The following USP3 variants were observed in gnomAD, a reference collection of about 807,000 sequenced individuals.
The protein encoded by USP3 is ubiquitin specific peptidase 3.
USP3 carries 20 observed loss-of-function variants against 72.3 expected under a neutral mutation model. The ratio of observed to expected loss-of-function variants is 0.28; its 90% CI spans 0.19 to 0.40. The LOEUF (loss-of-function observed/expected upper bound fraction) is 0.40, where lower values mean the gene tolerates loss of function less well. Among genes scored for constraint, USP3 ranks in the 10% least tolerant of loss-of-function variants. USP3 has a pLI of 1.00. For missense variants in USP3, 479 were observed against 633.9 expected (o/e 0.76, Z 2.62); for synonymous variants, 222 against 225.3 (o/e 0.99, Z 0.13).
chr15:63,550,208 GAGGGTTTC>G (rs1418785413), intron 3 of USP3, among the ~76,000 whole-genome samples: 1 of 152,160 alleles, frequency 6.6e-6, no homozygotes, highest in Non-Finnish European at 1.5e-5. Context: ...TTAGAAGAGA[GAGGGTTTC>G]ACCATGTTGG....
chr15:63,564,356 G>C (rs1360012068), intron 8 of USP3, among the ~76,000 whole-genome samples: 2 of 152,146 alleles, frequency 1.3e-5, no homozygotes, highest in East Asian at 3.9e-4. Flanking sequence ...GTGGGGTAAT[G>C]ACCAAAATTA....
intron 8 of USP3, among the ~76,000 whole-genome samples, chr15:63,569,046 T>C (rs1302471191): frequency 6.6e-6 from 1 of 152,190 alleles, no homozygotes; most frequent in African/African-American, 2.4e-5. Flanking sequence ...AGCTATAAGG[T>C]GCTGGTTTTC....
intron 1 of USP3, among the ~76,000 whole-genome samples, chr15:63,519,518 G>A (rs1235476671): frequency 6.6e-6 from 1 of 152,130 alleles, no homozygotes; most frequent in Non-Finnish European, 1.5e-5. Flanking sequence ...CATATCAAGA[G>A]TTGGTCTGTC....
At chr15:63,532,101 T>C (rs1595719504) in intron 1 of USP3, among the ~76,000 whole-genome samples, 3 of 152,342 alleles carry the variant, frequency 2.0e-5, no homozygotes, top group Admixed American at 2.0e-4. Flanking sequence ...AAATCATTAA[T>C]GTCTTGATTA....
intron 1 of USP3, among the ~76,000 whole-genome samples, chr15:63,518,868 G>C (rs1028787631): frequency 1.3e-4 from 20 of 151,976 alleles, no homozygotes; most frequent in South Asian, 1.2e-3. Flanking sequence ...CAGGTTCACA[G>C]CATTCTCCTG....
At chr15:63,531,544 G>A (rs1225392847) in intron 1 of USP3, among the ~76,000 whole-genome samples, 2 of 152,152 alleles carry the variant, frequency 1.3e-5, no homozygotes, top group East Asian at 1.9e-4. Context: ...TACGCTGAAA[G>A]GGCTTACAGT....
intron 3 of USP3, among the ~76,000 whole-genome samples, chr15:63,547,806 GAGAGAGGCAT>G (rs1436412749): frequency 2.9e-4 from 24 of 82,146 alleles, no homozygotes; most frequent in East Asian, 1.0e-3. Context: ...GAGAGGCATA[GAGAGAGGCAT>G]AGAGAGAGAG....
intron 1 of USP3, chr15:63,530,638 G>C (rs568316060): frequency 4.7e-6 from 2 of 425,330 alleles, no homozygotes; most frequent in South Asian, 3.3e-5. Flanking sequence ...TTTACTAAGA[G>C]AAAAAAGCTT....
At chr15:63,559,444 C>T (rs141897802) in intron 6 of USP3, among the ~76,000 whole-genome samples, 4 of 152,290 alleles carry the variant, frequency 2.6e-5, no homozygotes, top group African/African-American at 9.6e-5. Flanking sequence ...ATTATAATTA[C>T]TACTGAATTC....
chr15:63,530,056 G>C (rs950464935), intron 1 of USP3, among the ~76,000 whole-genome samples: 2 of 152,146 alleles, frequency 1.3e-5, no homozygotes, highest in African/African-American at 4.8e-5. Flanking sequence ...AGGATCAATT[G>C]AGCCTGGGAG....
At chr15:63,548,297 CTATT>C (rs1016536606) in intron 3 of USP3, among the ~76,000 whole-genome samples, 9 of 151,470 alleles carry the variant, frequency 5.9e-5, no homozygotes, top group Admixed American at 2.0e-4. Context: ...TCATGCTTGG[CTATT>C]TATTTATTTA....
intron 1 of USP3, among the ~76,000 whole-genome samples, chr15:63,527,264 G>A (rs2065996284): frequency 6.6e-6 from 1 of 152,142 alleles, no homozygotes; most frequent in Non-Finnish European, 1.5e-5. Flanking sequence ...TTACACTAAG[G>A]AAATAGACCC....
chr15:63,522,211 C>T (rs2065929743), intron 1 of USP3, among the ~76,000 whole-genome samples: 1 of 152,198 alleles, frequency 6.6e-6, no homozygotes, highest in Admixed American at 6.5e-5. Context: ...TCTTTTGTTC[C>T]AGCTAGTGAA....
intron 7 of USP3, among the ~76,000 whole-genome samples, chr15:63,561,813 T>C (rs1036268999): frequency 1.3e-5 from 2 of 152,188 alleles, no homozygotes; most frequent in African/African-American, 4.8e-5. Flanking sequence ...ACCTATGTGA[T>C]TGTGAGGGTT....
intron 6 of USP3, among the ~76,000 whole-genome samples, chr15:63,558,876 A>AAAAT (rs1330421147): frequency 6.6e-6 from 1 of 152,114 alleles, no homozygotes; most frequent in Non-Finnish European, 1.5e-5. Flanking sequence ...CCCTGTCTCA[A>AAAAT]AAATAAATAA....
intron 3 of USP3, among the ~76,000 whole-genome samples, chr15:63,540,215 A>G (rs934282510): frequency 2.0e-5 from 3 of 152,110 alleles, no homozygotes; most frequent in Admixed American, 6.5e-5. Context: ...CCCCTTGCCA[A>G]TAGTCCCTGC....
At chr15:63,579,704 G>T (rs933092798) in intron 11 of USP3, among the ~76,000 whole-genome samples, 7 of 152,064 alleles carry the variant, frequency 4.6e-5, no homozygotes, top group African/African-American at 1.7e-4. Context: ...ATTGAGCAAT[G>T]GTAAAAGACC....
rs987300671 is a variant in USP3, at chr15:63,542,187, A to G, written c.284+5031A>G. On this transcript the variant is annotated intron_variant, in intron 3 of 14. Coordinates refer to ENST00000380324, the MANE Select transcript of USP3 (RefSeq NM_006537.4). ...AAAAACTTAGAATTTTAAAGCTGAGAAAGAGGTAGAGATTTTTCTCTGTCT... is the reference window on the plus strand; with the variant it reads ...AAAAACTTAGAATTTTAAAGCTGAGGAAGAGGTAGAGATTTTTCTCTGTCT... 3 of 985,078 alleles carry G rather than the reference A, an allele frequency of 3.0e-6. No individual in the cohort carries two copies. In the African/African-American group the frequency reaches 5.2e-5, roughly 17 times the overall value. The allele number at this position is 985,078 out of a possible 1,614,324, so 61.0% of individuals were successfully genotyped here.
At chr15:63,586,303 T>C (rs1056901915) in intron 11 of USP3, among the ~76,000 whole-genome samples, 1 of 152,224 alleles carries the variant, frequency 6.6e-6, no homozygotes, top group Non-Finnish European at 1.5e-5. Context: ...TGATATTCAC[T>C]GTGGGTTTTC....
Sources: allele counts gnomAD v4.1 joint callset (sites outside exome capture counted in the v4.1 genomes callset), GRCh38; gene constraint gnomAD v4.1.1; transcripts MANE v1.5; gene names NCBI Gene and HGNC (gene_info 2026-07-23, HGNC 2026-07-21).